The following XRCC2 variants were observed in gnomAD, a reference collection of about 807,000 sequenced individuals.
XRCC2 encodes the protein X-ray repair cross complementing 2, also known as DNA repair protein XRCC2.
In XRCC2, 24 loss-of-function variants were observed where a neutral mutation model predicts 27.3. The observed-to-expected ratio is 0.88, with a 90% CI of 0.64 to 1.24. The LOEUF (loss-of-function observed/expected upper bound fraction) is 1.24. Among genes scored for constraint, XRCC2 ranks in the 50% most tolerant of loss-of-function variants. The pLI is 0.00. For missense variants in XRCC2, 321 were observed against 325.8 expected (o/e 0.99, Z 0.11); for synonymous variants, 106 against 115.4 (o/e 0.92, Z 0.52).
At chr7:152,669,021 C>T (rs1188456672) in intron 1 of XRCC2, among the ~76,000 whole-genome samples, 7 of 152,138 alleles carry the variant, frequency 4.6e-5, no homozygotes, top group Non-Finnish European at 7.3e-5. Flanking sequence ...GCTATACAAC[C>T]TCAGTATCAC....
chr7:152,671,543 CTT>C (rs979040553), intron 1 of XRCC2, among the ~76,000 whole-genome samples: 6 of 152,116 alleles, frequency 3.9e-5, no homozygotes, highest in African/African-American at 1.4e-4. Context: ...TACCTATACT[CTT>C]TATTATATTT....
intron 2 of XRCC2, among the ~76,000 whole-genome samples, chr7:152,658,344 G>T (rs1256801807): frequency 6.6e-6 from 1 of 152,042 alleles, no homozygotes; most frequent in Non-Finnish European, 1.5e-5. Flanking sequence ...TAGAGACGGG[G>T]TTTCACCATG....
At chr7:152,655,981 C>G (rs1193013557) in intron 2 of XRCC2, among the ~76,000 whole-genome samples, 1 of 151,910 alleles carries the variant, frequency 6.6e-6, no homozygotes, top group Non-Finnish European at 1.5e-5. Flanking sequence ...TGTGTCAAAA[C>G]AAAACAAAAC....
At chr7:152,675,752 T>C (rs2098040730) in intron 1 of XRCC2, among the ~76,000 whole-genome samples, 1 of 152,146 alleles carries the variant, frequency 6.6e-6, no homozygotes, top group South Asian at 2.1e-4. Flanking sequence ...AGACCTCGTA[T>C]GTTATATCGA....
At position 152,676,115 on chromosome 7, in the gene XRCC2, T is replaced by C. The variant is rs781776971; in HGVS notation, c.-36A>G. The C allele has an allele frequency of 1.9e-6, 3 of 1,613,062 alleles. No homozygotes were observed. The highest frequency in any genetic ancestry group is 2.2e-5 in the East Asian group (1 of 44,864). ...GCTCGGCGCAGGAGAGACTCAACTT[T>C]CCCGCCACCAACGCCATTCACCAAC... On this transcript the variant is annotated 5_prime_UTR_variant, in exon 1 of 3. Transcript: ENST00000359321.
intron 1 of XRCC2, among the ~76,000 whole-genome samples, chr7:152,671,020 G>C (rs2098037948): frequency 6.6e-6 from 1 of 152,146 alleles, no homozygotes; most frequent in South Asian, 2.1e-4. Context: ...TTCGAGACCA[G>C]CCTGGCCAAT....
In XRCC2 at chr7:152,646,352, T is replaced by C. The variant is rs2098025912; in HGVS notation, c.*2290A>G. The C allele has an allele frequency of 7.2e-6, 1 of 139,630 alleles. No individual in the cohort carries two copies. Among genetic ancestry groups the C allele is most frequent in the African/African-American group, 2.7e-5 (1 of 36,920 alleles). 8.6% of individuals were successfully genotyped at this position (139,630 alleles called of 1,614,324 possible). A position where few individuals can be genotyped will look rare whatever the true frequency, so the allele number is the denominator to read the frequency against. Reference sequence around the variant, plus strand: ...TTGTTCCCTTCTTTGTATCCAGGAGTTCTCATCATTTAGCTCCCACTTATA... The same window carrying C: ...TTGTTCCCTTCTTTGTATCCAGGAGCTCTCATCATTTAGCTCCCACTTATA... On this transcript the variant is annotated 3_prime_UTR_variant, in exon 3 of 3. Coordinates refer to ENST00000359321, the MANE Select transcript of XRCC2 (RefSeq NM_005431.2).
intron 1 of XRCC2, among the ~76,000 whole-genome samples, chr7:152,664,380 G>A (rs939644939): frequency 6.6e-6 from 1 of 152,122 alleles, no homozygotes; most frequent in Non-Finnish European, 1.5e-5. Context: ...TCATGAGGGT[G>A]TTTCTGGAGG....
Position 152,664,570 on chromosome 7 carries a change from G to A in XRCC2, c.40-3788C>T, listed in dbSNP as rs188731987. ...TGTCCCCCAACCCTACACCATTCTC[G>A]AGCCTTTAAAGCCCTGGACTGGGAG... On this transcript the variant is annotated intron_variant, in intron 1 of 2. Coordinates refer to ENST00000359321, the MANE Select transcript of XRCC2 (RefSeq NM_005431.2). 3.9e-5 allele frequency among the ~76,000 whole-genome samples: 6 copies of A among 152,200 alleles called. No individual in the cohort carries two copies. The East Asian group carries it at 7.7e-4, about 20-fold the overall frequency.
At chr7:152,668,821 T>C (rs933795976) in intron 1 of XRCC2, among the ~76,000 whole-genome samples, 4 of 152,226 alleles carry the variant, frequency 2.6e-5, no homozygotes, top group Admixed American at 2.6e-4. Context: ...ATCGTAACAA[T>C]AGCTATCTAA....
At position 152,646,148 on chromosome 7, in the gene XRCC2, TAAGAA is replaced by T. The variant is rs755837749; in HGVS notation, c.*2489_*2493del. 6.6e-6 allele frequency: 1 copy of T among 152,248 alleles called. No homozygotes were observed. Among genetic ancestry groups the T allele is most frequent in the Non-Finnish European group, 1.5e-5 (1 of 68,056 alleles). The allele number at this position is 152,248 out of a possible 1,614,324, so 9.4% of individuals were successfully genotyped here. The stretch of plus-strand genomic sequence containing the variant: ...TGCCCCTTTTCTATCCTTGAGTGGT[TAAGAA>T]ATCAAAAGGTGCAGACCCTTTATCA... On this transcript the variant is annotated 3_prime_UTR_variant, in exon 3 of 3. Coordinates refer to ENST00000359321, the MANE Select transcript of XRCC2 (RefSeq NM_005431.2).
intron 1 of XRCC2, among the ~76,000 whole-genome samples, chr7:152,667,157 A>G (rs1466524843): frequency 1.3e-5 from 2 of 151,766 alleles, no homozygotes; most frequent in Admixed American, 1.3e-4. Context: ...CTGTAATCCC[A>G]GCACTTTGGG....
intron 1 of XRCC2, among the ~76,000 whole-genome samples, chr7:152,663,328 G>A (rs947306993): frequency 7.1e-5 from 6 of 85,054 alleles, no homozygotes; most frequent in Non-Finnish European, 2.3e-5. Context: ...CCAGCTTTAC[G>A]TAAGAATGTC....
chr7:152,651,434 A>C (rs1235898041), intron 2 of XRCC2, among the ~76,000 whole-genome samples: 1 of 150,850 alleles, frequency 6.6e-6, no homozygotes, highest in Non-Finnish European at 1.5e-5. Context: ...CAATTAAAAA[A>C]AAAAAAAAAA....
rs1243066997 is a variant in XRCC2 at position 152,644,836 on chromosome 7, C to T, written c.*3806G>A. The T allele has an allele frequency of 1.3e-5, 2 of 152,138 alleles. No individual in the cohort carries two copies. The highest frequency in any genetic ancestry group is 2.1e-4 in the South Asian group (1 of 4,832). 9.4% of individuals were successfully genotyped at this position (152,138 alleles called of 1,614,324 possible). On this transcript the variant is annotated 3_prime_UTR_variant, in exon 3 of 3. Transcript: ENST00000359321. ...TTTACAAAACATAGTAATTCTTGAT[C>T]GCTGAAAATGTCAAATCCTGGAAAA...
At chr7:152,659,127 A>G (rs896295123) in intron 2 of XRCC2, among the ~76,000 whole-genome samples, 6 of 151,710 alleles carry the variant, frequency 4.0e-5, no homozygotes, top group Non-Finnish European at 8.8e-5. Context: ...ATCCTTGCTA[A>G]CACTTGCTAT....
chr7:152,655,042 CTG>C (rs1233651730), intron 2 of XRCC2, among the ~76,000 whole-genome samples: 1 of 152,202 alleles, frequency 6.6e-6, no homozygotes, highest in Non-Finnish European at 1.5e-5. Context: ...TCATATGTTT[CTG>C]TGGCTGCTAC....
chr7:152,651,041 G>A (rs1233694436), intron 2 of XRCC2, among the ~76,000 whole-genome samples: 2 of 152,046 alleles, frequency 1.3e-5, no homozygotes, highest in Non-Finnish European at 2.9e-5. Context: ...CTGGGTTCAA[G>A]CAATTCTCCT....
chr7:152,661,975 T>C (rs1563030651), intron 1 of XRCC2, among the ~76,000 whole-genome samples: 1 of 152,146 alleles, frequency 6.6e-6, no homozygotes, highest in Non-Finnish European at 1.5e-5. Flanking sequence ...CACTTCTTTT[T>C]CTTTTTTGAG....
Sources: allele counts gnomAD v4.1 joint callset (sites outside exome capture counted in the v4.1 genomes callset), GRCh38; gene constraint gnomAD v4.1.1; transcripts MANE v1.5; gene names NCBI Gene and HGNC (gene_info 2026-07-23, HGNC 2026-07-21).